The following BMP7 variants were observed in gnomAD, a reference collection of about 807,000 sequenced individuals.
BMP7 encodes osteogenic protein 1.
BMP7 carries 12 observed loss-of-function variants against 41.2 expected under a neutral mutation model. The observed-to-expected ratio is 0.29, with a 90% confidence interval of 0.19 to 0.47. BMP7 has a LOEUF of 0.47. BMP7 is among the 20% of genes least tolerant of loss of function. The pLI, the probability that BMP7 is intolerant of heterozygous loss-of-function variation, is 0.99. For synonymous variants in BMP7, 248 were observed against 250.0 expected (o/e 0.99, Z 0.07); for missense variants, 467 against 606.0 (o/e 0.77, Z 2.41).
At chr20:57,192,326 A>C (rs1174209832) in intron 3 of BMP7, among the ~76,000 whole-genome samples, 2 of 139,278 alleles carry the variant, frequency 1.4e-5, no homozygotes, top group African/African-American at 5.2e-5. Flanking sequence ...AGACATATTA[A>C]TATATATTAT....
intron 2 of BMP7, 92 bp from the exon 3 acceptor site, chr20:57,202,715 GA>G: frequency 1.4e-6 from 1 of 717,194 alleles, no homozygotes; most frequent in Non-Finnish European, 2.2e-6. Context: ...CATGGGGTGG[GA>G]GGGGAGGGAA....
intron 1 of BMP7, among the ~76,000 whole-genome samples, chr20:57,254,427 C>T (rs953738275): frequency 2.0e-5 from 3 of 152,182 alleles, no homozygotes; most frequent in East Asian, 1.9e-4. Context: ...CCACGGGCAG[C>T]TCTCACCCTG....
intron 1 of BMP7, among the ~76,000 whole-genome samples, chr20:57,236,122 C>T (rs925327500): frequency 2.0e-5 from 3 of 152,208 alleles, no homozygotes; most frequent in African/African-American, 7.2e-5. Flanking sequence ...TCTTGACTGG[C>T]TCAAGAGAAA....
chr20:57,176,842 A>G (rs1326329290), intron 4 of BMP7, among the ~76,000 whole-genome samples: 1 of 151,414 alleles, frequency 6.6e-6, no homozygotes, highest in African/African-American at 2.4e-5. Context: ...ACTACATGCC[A>G]TTAGGGTATA....
At chr20:57,217,111 A>G (rs1338688416) in intron 2 of BMP7, among the ~76,000 whole-genome samples, 1 of 152,116 alleles carries the variant, frequency 6.6e-6, no homozygotes, top group African/African-American at 2.4e-5. Flanking sequence ...GAGAATGACC[A>G]TGACAGGTTT....
chr20:57,186,559 G>A (rs1984215210), intron 3 of BMP7, among the ~76,000 whole-genome samples: 1 of 152,198 alleles, frequency 6.6e-6, no homozygotes, highest in Non-Finnish European at 1.5e-5. Flanking sequence ...ACCCGCCCAG[G>A]GATACCCGGC....
At chr20:57,173,110 C>T in intron 6 of BMP7, 90 bp downstream of exon 6, 2 of 1,359,428 alleles carry the variant, frequency 1.5e-6, no homozygotes, top group Non-Finnish European at 2.1e-6. Context: ...CTGACATCTA[C>T]TCAGGCCCCA....
intron 1 of BMP7, among the ~76,000 whole-genome samples, chr20:57,241,813 G>T (rs1331376875): frequency 1.3e-5 from 2 of 152,234 alleles, no homozygotes; most frequent in Non-Finnish European, 2.9e-5. Context: ...CAACATGTGT[G>T]CAGTGTTGCT....
intron 3 of BMP7, among the ~76,000 whole-genome samples, chr20:57,201,973 A>G (rs995100830): frequency 3.9e-5 from 6 of 152,186 alleles, no homozygotes; most frequent in African/African-American, 1.4e-4. Context: ...CACAAGGGCA[A>G]TTTTGTCCCA....
At chr20:57,184,981 C>T (rs1222721234) in intron 3 of BMP7, among the ~76,000 whole-genome samples, 2 of 152,172 alleles carry the variant, frequency 1.3e-5, no homozygotes, top group Admixed American at 6.5e-5. Flanking sequence ...GGGCCCTGGT[C>T]AGGACACCAA....
chr20:57,245,126 G>A (rs187477693), intron 1 of BMP7, among the ~76,000 whole-genome samples: 2 of 152,156 alleles, frequency 1.3e-5, no homozygotes, highest in Admixed American at 6.5e-5. Context: ...GTGCAGAGAC[G>A]TACAAAAGCC....
At chr20:57,254,908 T>A (rs1318031104) in intron 1 of BMP7, among the ~76,000 whole-genome samples, 2 of 152,178 alleles carry the variant, frequency 1.3e-5, no homozygotes, top group Non-Finnish European at 1.5e-5. Context: ...GCTATGGAAT[T>A]TCCCCATGGA....
intron 4 of BMP7, 115 bp downstream of exon 4, chr20:57,183,607 T>TC: frequency 2.9e-6 from 4 of 1,372,156 alleles, no homozygotes; most frequent in Non-Finnish European, 2.0e-6. Context: ...CTATATTTGT[T>TC]CCAGAGCCAT....
chr20:57,174,751 C>T lies in BMP7; in HGVS notation c.1035+180G>A, dbSNP rs887388914. On this transcript the variant is annotated intron_variant, in intron 5 of 6. Coordinates refer to ENST00000395863, the MANE Select transcript of BMP7 (RefSeq NM_001719.3). The surrounding 1 kb of genome is among the most constrained non-coding windows in gnomAD (Gnocchi z 4.3). The stretch of plus-strand genomic sequence containing the variant: ...AGTTCAAGTCTCAACCACATTTCTG[C>T]TCTCGGATTTCATGAGGCCTCCCTG... Among the ~76,000 whole-genome samples, 9 of 152,244 alleles carry T rather than the reference C, an allele frequency of 5.9e-5. No homozygotes were observed. The highest frequency in any genetic ancestry group is 2.2e-4 in the African/African-American group (9 of 41,460).
intron 1 of BMP7, among the ~76,000 whole-genome samples, chr20:57,251,753 T>G (rs2066114756): frequency 6.6e-6 from 1 of 152,078 alleles, no homozygotes; most frequent in African/African-American, 2.4e-5. Context: ...GGCCAACATG[T>G]TGAAACCCTG....
intron 2 of BMP7, among the ~76,000 whole-genome samples, chr20:57,203,120 T>C (rs1041261093): frequency 1.3e-5 from 2 of 152,064 alleles, no homozygotes; most frequent in Non-Finnish European, 2.9e-5. Context: ...AGGTCCAAGG[T>C]CATTTAACCA....
rs778316661 is a variant in BMP7 at position 57,171,225 on chromosome 20, C to G, written c.1147-117G>C. ...GCATAATGAATGACTGCAGGTGACACTCCCCAAGCCAAGCACTCCCTGTTC... is the reference window on the plus strand; with the variant it reads ...GCATAATGAATGACTGCAGGTGACAGTCCCCAAGCCAAGCACTCCCTGTTC... On this transcript the variant is annotated intron_variant, in intron 6 of 6. Coordinates refer to ENST00000395863, the MANE Select transcript of BMP7 (RefSeq NM_001719.3). This position sits in a 1 kb window ranked among gnomAD's most constrained non-coding sequence, Gnocchi z 4.5. The G allele has an allele frequency of 7.0e-7, 1 of 1,431,162 alleles. No homozygotes were observed. Among genetic ancestry groups the G allele is most frequent in the African/African-American group, 1.4e-5 (1 of 71,058 alleles). The allele number at this position is 1,431,162 out of a possible 1,614,324, so 88.7% of individuals were successfully genotyped here. A position where few individuals can be genotyped will look rare whatever the true frequency, so the allele number is the denominator to read the frequency against.
chr20:57,181,043 C>T (rs955661643), intron 4 of BMP7, among the ~76,000 whole-genome samples: 8 of 152,242 alleles, frequency 5.3e-5, no homozygotes, highest in South Asian at 2.1e-4. Flanking sequence ...TGGGACCAAC[C>T]GCAGGCCCCG....
chr20:57,265,216 G>A (rs570309123), intron 1 of BMP7, among the ~76,000 whole-genome samples: 1 of 152,228 alleles, frequency 6.6e-6, no homozygotes, highest in Non-Finnish European at 1.5e-5. Context: ...GCTAAGGCGG[G>A]CGCACCACGA....
Sources: gnomAD v4.1 joint callset for allele counts (sites outside exome capture counted in the v4.1 genomes callset) on GRCh38, gnomAD v4.1.1 for gene constraint, Gnocchi (gnomAD v3.1) non-coding constraint, MANE v1.5 for transcripts, NCBI Gene and HGNC (gene_info 2026-07-23, HGNC 2026-07-21) for gene names.